BANF2: variants seen among roughly 807,000 people sequenced by gnomAD.
The protein encoded by BANF2 is BANF family member 2.
In BANF2, 4 loss-of-function variants were observed where a neutral mutation model predicts 8.0. The ratio of observed to expected loss-of-function variants is 0.50; its 90% confidence interval spans 0.25 to 1.14. The LOEUF (loss-of-function observed/expected upper bound fraction) is 1.14. Among genes scored for constraint, BANF2 ranks in the 50% most tolerant of loss-of-function variants. BANF2 has a pLI of 0.16. For missense variants in BANF2, 96 were observed against 107.5 expected (o/e 0.89, Z 0.47); for synonymous variants, 50 against 40.6 (o/e 1.23, Z -0.88).
chr20:17,701,676 C>T (rs2037411374), intron 1 of BANF2, among the ~76,000 whole-genome samples: 1 of 152,198 alleles, frequency 6.6e-6, no homozygotes, highest in African/African-American at 2.4e-5. Flanking sequence ...CGATTGAACT[C>T]AGGTGGGTCA....
At position 17,707,024 on chromosome 20, in the gene BANF2, C is replaced by T. The variant is rs73264796; in HGVS notation, c.-167+6969C>T. On this transcript the variant is annotated intron_variant, in intron 1 of 3. Transcript: ENST00000246090. Reference sequence around the variant, plus strand: ...CACAGAGGGAAGAGACCGGGGACCACATCTTGGCACTTTCAGATGGGTTTG... The same window carrying T: ...CACAGAGGGAAGAGACCGGGGACCATATCTTGGCACTTTCAGATGGGTTTG... 3.5e-3 allele frequency among the ~76,000 whole-genome samples: 538 copies of T among 152,296 alleles called. 1 individual carries two copies. Among genetic ancestry groups the T allele is most frequent in the African/African-American group, 0.012 (512 of 41,570 alleles).
chr20:17,735,712 C>T lies in BANF2; in HGVS notation c.174C>T (p.Ala58=), dbSNP rs138354073. ...TCCTTCTGATGCACAAGAATGAAGC[C>T]GAGTTTCAGAGGTGGCTCATTTGCT... ...GQFLLMHKNE[A]EFQRWLICCF... is the part of the protein sequence containing the mutation. Residue 58 remains alanine, a synonymous_variant, in exon 4 of 4, where the codon GCC becomes GCT. Transcript: ENST00000246090. 152 of 1,613,712 alleles carry T rather than the reference C, an allele frequency of 9.4e-5. No individual in the cohort carries two copies. In the East Asian group the frequency reaches 1.2e-3, roughly 13 times the overall value.
upstream of BANF2, among the ~76,000 whole-genome samples, chr20:17,695,276 CA>C (rs1339670551): frequency 6.6e-6 from 1 of 151,406 alleles, no homozygotes; most frequent in East Asian, 1.9e-4. Flanking sequence ...GGGAAGACCC[CA>C]TCTCTACAAA....
At chr20:17,708,257 A>G (rs1044812931) in intron 1 of BANF2, among the ~76,000 whole-genome samples, 1 of 152,034 alleles carries the variant, frequency 6.6e-6, no homozygotes, top group African/African-American at 2.4e-5. Context: ...AAAAAACCTG[A>G]GATCCCTGAT....
intron 1 of BANF2, chr20:17,712,368 C>T: frequency 9.3e-6 from 2 of 213,948 alleles, no homozygotes; most frequent in Non-Finnish European, 1.6e-5. Flanking sequence ...CCACTGTTTA[C>T]TGCTGCTACA....
intron 1 of BANF2, among the ~76,000 whole-genome samples, chr20:17,702,506 G>T (rs2037423661): frequency 6.6e-6 from 1 of 152,158 alleles, no homozygotes; most frequent in African/African-American, 2.4e-5. Context: ...GCCCCAACTG[G>T]CAACTTAAAT....
intron 1 of BANF2, among the ~76,000 whole-genome samples, chr20:17,717,653 C>T (rs1447273964): frequency 6.6e-6 from 1 of 151,900 alleles, no homozygotes; most frequent in African/African-American, 2.4e-5. Flanking sequence ...AGAAATATAC[C>T]AATTTTGAAA....
chr20:17,724,712 G>A (rs564169865), intron 2 of BANF2, among the ~76,000 whole-genome samples: 116 of 152,250 alleles, frequency 7.6e-4, no homozygotes, highest in Non-Finnish European at 1.4e-3. Flanking sequence ...CATTTAGAAT[G>A]GGGTGAGTTG....
At chr20:17,714,968 A>G (rs969475869) in intron 1 of BANF2, among the ~76,000 whole-genome samples, 2 of 152,236 alleles carry the variant, frequency 1.3e-5, no homozygotes, top group African/African-American at 4.8e-5. Flanking sequence ...TATGAATTTT[A>G]TACCATCTAG....
At chr20:17,728,040 T>C (rs2122642340) in intron 3 of BANF2, among the ~76,000 whole-genome samples, 1 of 152,324 alleles carries the variant, frequency 6.6e-6, no homozygotes, top group South Asian at 2.1e-4. Context: ...TGTATTTTCA[T>C]ACCTTGCCTG....
chr20:17,732,371 T>C (rs6044975), intron 3 of BANF2, among the ~76,000 whole-genome samples: 46,713 of 152,134 alleles, frequency 0.31, 7,421 homozygotes, highest in East Asian at 0.47. Context: ...CCCATCCTTT[T>C]GTTTGTTTGT....
chr20:17,706,089 G>A (rs2037477965), intron 1 of BANF2, among the ~76,000 whole-genome samples: 1 of 152,222 alleles, frequency 6.6e-6, no homozygotes, highest in African/African-American at 2.4e-5. Flanking sequence ...CAACTGGCAA[G>A]GTGACGGCAT....
chr20:17,717,986 T>C (rs1039729307), intron 1 of BANF2, among the ~76,000 whole-genome samples: 3 of 152,170 alleles, frequency 2.0e-5, no homozygotes, highest in Non-Finnish European at 4.4e-5. Context: ...TTTAGGGATA[T>C]AGATAAAATA....
intron 1 of BANF2, among the ~76,000 whole-genome samples, chr20:17,716,547 T>G (rs1289966584): frequency 6.7e-6 from 1 of 149,618 alleles, no homozygotes; most frequent in Non-Finnish European, 1.5e-5. Context: ...CTCACCCGTC[T>G]TTCCTTTCTA....
chr20:17,701,415 C>T (rs535304826), intron 1 of BANF2, among the ~76,000 whole-genome samples: 2 of 152,332 alleles, frequency 1.3e-5, no homozygotes, highest in South Asian at 2.1e-4. Flanking sequence ...GCTGGTGCCA[C>T]GTCTAAAGAG....
At position 17,735,840 on chromosome 20, in the gene BANF2, C is replaced by A; in HGVS notation, c.*29C>A. On this transcript the variant is annotated 3_prime_UTR_variant, in exon 4 of 4. Coordinates refer to ENST00000246090, the MANE Select transcript of BANF2 (RefSeq NM_178477.5). ...CAAACCTCATTGCTGCCCCCCACCA[C>A]CCTCTGGGGAAAATGACGCCTTCTC... 6.3e-7 allele frequency: 1 copy of A among 1,596,206 alleles called. No individual in the cohort carries two copies. The highest frequency in any genetic ancestry group is 1.1e-5 in the South Asian group (1 of 89,844).
rs775332450 is a variant in BANF2 at position 17,725,168 on chromosome 20, T to TA, written c.126+18dup. On this transcript the variant is annotated intron_variant, in intron 3 of 3. Transcript: ENST00000246090. Reference sequence around the variant, plus strand: ...ATCAATAAGGTAATTCATATTTTCTTACTTCTCTGACTTCTCTTCCCTACC... The same window carrying TA: ...ATCAATAAGGTAATTCATATTTTCTTAACTTCTCTGACTTCTCTTCCCTACC... 20 of 1,606,140 alleles carry TA rather than the reference T, an allele frequency of 1.2e-5. No homozygotes were observed. The highest frequency in any genetic ancestry group is 1.7e-6 in the Non-Finnish European group (2 of 1,172,998).
chr20:17,722,724 G>A lies in BANF2; in HGVS notation c.-158G>A, dbSNP rs2037750454. The A allele has an allele frequency of 1.0e-6, 1 of 984,540 alleles. No individual in the cohort carries two copies. The highest frequency in any genetic ancestry group is 1.1e-4 in the East Asian group (1 of 8,812). The allele number at this position is 984,540 out of a possible 1,614,324, so 61.0% of individuals were successfully genotyped here. The stretch of plus-strand genomic sequence containing the variant: ...TTTGCTCCCCTTCCTAGAATCTGCT[G>A]ACACATCAAGGCCACTTTTCTTAGG... On this transcript the variant is annotated 5_prime_UTR_variant, in exon 2 of 4. Transcript: ENST00000246090.
At chr20:17,698,825 T>C (rs1158110564), upstream of BANF2, among the ~76,000 whole-genome samples, 2 of 152,224 alleles carry the variant, frequency 1.3e-5, no homozygotes, top group Non-Finnish European at 2.9e-5. Flanking sequence ...GCGTGCTGGT[T>C]GAACCCAGAG....
Sources: allele counts gnomAD v4.1 joint callset (sites outside exome capture counted in the v4.1 genomes callset), GRCh38; gene constraint gnomAD v4.1.1; transcripts MANE v1.5; gene names NCBI Gene and HGNC (gene_info 2026-07-23, HGNC 2026-07-21).